The following TRIL variants were observed in gnomAD, a reference collection of about 807,000 sequenced individuals.
TRIL encodes the protein TLR4 interactor with leucine rich repeats.
A neutral mutation model predicts 43.0 loss-of-function variants in TRIL; 23 were observed. The observed-to-expected ratio is 0.54, with a 90% CI of 0.39 to 0.76. The LOEUF (loss-of-function observed/expected upper bound fraction) is 0.76. Ranked by LOEUF, TRIL falls within the 30% of genes least tolerant of loss-of-function variation. The pLI, the probability that TRIL is intolerant of heterozygous loss-of-function variation, is 0.00. For synonymous variants in TRIL, 602 were observed against 556.8 expected (o/e 1.08, Z -1.14); for missense variants, 1,114 against 1,139.3 (o/e 0.98, Z 0.32).
Position 28,956,635 on chromosome 7 carries a change from G to T in TRIL, c.1412C>A (p.Ala471Asp). ...GCGGTTGCCTACCAGCTCCCTGGCG[G>T]CCCCATCCCAGGCCACCCCAGCTAG... ...RFLAGVAWDG[A>D]ARELVGNRSA... The change falls in exon 1 of 1, where the codon GCC (alanine) becomes GAC (aspartate). Residue 471 changes from alanine to aspartate, a missense_variant. Ala to Asp is a moderately radical substitution (Grantham distance 126). Transcript: ENST00000539664. The T allele has an allele frequency of 6.4e-7, 1 of 1,565,084 alleles. No homozygotes were observed.
rs1212878030 is a variant in TRIL, at chr7:28,957,132, C to T, written c.915G>A (p.Ala305=). Residue 305 remains alanine, a synonymous_variant, in exon 1 of 1, where the codon GCG becomes GCA. Transcript: ENST00000539664. ...ALLEPLHSLE[A]LDLSGNELSA... is the part of the protein sequence containing the mutation. The stretch of plus-strand genomic sequence containing the variant: ...ACAGCTCATTGCCGCTCAGGTCCAG[C>T]GCCTCCAGGCTGTGCAGAGGCTCCA... 1.3e-6 allele frequency: 2 copies of T among 1,579,958 alleles called. No homozygotes were observed. Among genetic ancestry groups the T allele is most frequent in the African/African-American group, 1.3e-5 (1 of 74,198 alleles).
At position 28,954,941 on chromosome 7, in the gene TRIL, T is replaced by C. The variant is rs1783373845; in HGVS notation, c.*670A>G. The C allele has an allele frequency of 6.6e-6, 1 of 152,052 alleles. No individual in the cohort carries two copies. The highest frequency in any genetic ancestry group is 1.5e-5 in the Non-Finnish European group (1 of 68,014). The allele number at this position is 152,052 out of a possible 1,614,324, so 9.4% of individuals were successfully genotyped here. Reference sequence around the variant, plus strand: ...TAATATTAAAAGGAACATAATAAAATGGCCCAGTCCAACTAAAACAGTCCT... The same window carrying C: ...TAATATTAAAAGGAACATAATAAAACGGCCCAGTCCAACTAAAACAGTCCT... On this transcript the variant is annotated 3_prime_UTR_variant, in exon 1 of 1. Transcript: ENST00000539664.
Position 28,958,211 on chromosome 7 carries a change from T to A in TRIL, c.-165A>T. On this transcript the variant is annotated 5_prime_UTR_variant, in exon 1 of 1. Transcript: ENST00000539664. ...TCCTTTGTCCGGAGGCCGGCCCGGG[T>A]CTCTGCAGGCGGGCTTCGCCCGGCC... 9.3e-7 allele frequency: 1 copy of A among 1,071,044 alleles called. No individual in the cohort carries two copies. Among genetic ancestry groups the A allele is most frequent in the Non-Finnish European group, 1.3e-6 (1 of 778,350 alleles). The allele number at this position is 1,071,044 out of a possible 1,614,324, so 66.3% of individuals were successfully genotyped here. A position where few individuals can be genotyped will look rare whatever the true frequency, so the allele number is the denominator to read the frequency against.
In TRIL at chr7:28,956,228, G is replaced by A; in HGVS notation, c.1819C>T (p.Arg607Cys). 1 of 1,552,112 alleles carries A rather than the reference G, an allele frequency of 6.4e-7. No individual in the cohort carries two copies. Residue 607 changes from arginine (R) to cysteine (C), a missense_variant, in exon 1 of 1, where the codon CGC becomes TGC. Arg to Cys is a radical substitution (Grantham distance 180). Transcript: ENST00000539664. ...AGCGGCCGGGGACTGCGGTGCTCGC[G>A]CACGGCCCAGCGCACCGAGGCGCTG... ...ADSASVRWAV[R>C]EHRSPRPLGG...
At position 28,957,588 on chromosome 7, in the gene TRIL, G is replaced by C. The variant is rs1468875492; in HGVS notation, c.459C>G (p.Gly153=). The C allele has an allele frequency of 3.9e-5, 63 of 1,612,166 alleles. 1 individual carries two copies. The Admixed American group carries it at 1.0e-3, about 26-fold the overall frequency. ...GCCGCAGCTTGACTAGACTCTCCAG[G>C]CCCTCGAAGGAGCCGCGGCTTAGGC... ...ISRLSRGSFE[G]LESLVKLRLD... Residue 153 remains glycine, a synonymous_variant, in exon 1 of 1, where the codon GGC becomes GGG. Transcript: ENST00000539664.
At position 28,957,507 on chromosome 7, in the gene TRIL, G is replaced by A; in HGVS notation, c.540C>T (p.Asn180=). 6.2e-7 allele frequency: 1 copy of A among 1,613,242 alleles called. No individual in the cohort carries two copies. Among genetic ancestry groups the A allele is most frequent in the Non-Finnish European group, 8.5e-7 (1 of 1,179,842 alleles). Residue 180 remains asparagine (N), a synonymous_variant, in exon 1 of 1, where the codon AAC becomes AAT. Coordinates refer to ENST00000539664, the MANE Select transcript of TRIL (RefSeq NM_014817.4). Reference sequence around the variant, plus strand: ...TGGACTCCAGATGTAGGTAGAGCAGGTTGCCCAAGGGAGCGAAGACCGCGT... The same window carrying A: ...TGGACTCCAGATGTAGGTAGAGCAGATTGCCCAAGGGAGCGAAGACCGCGT... The part of the protein sequence containing the change: ...LPDAVFAPLG[N]LLYLHLESNR...
At position 28,955,740 on chromosome 7, in the gene TRIL, G is replaced by A. The variant is rs1783386881; in HGVS notation, c.2307C>T (p.Thr769=). ...FSGFQSHRPR[T]TVCALSEADL... is the part of the protein sequence containing the mutation. The stretch of plus-strand genomic sequence containing the variant: ...CCGCCTCACTGAGCGCGCACACGGT[G>A]GTGCGTGGCCGGTGCGACTGGAATC... The change falls in exon 1 of 1, where the codon ACC becomes ACT. Residue 769 remains threonine, a synonymous_variant. Coordinates refer to ENST00000539664, the MANE Select transcript of TRIL (RefSeq NM_014817.4). The A allele has an allele frequency of 2.6e-6, 4 of 1,550,292 alleles. No homozygotes were observed. The highest frequency in any genetic ancestry group is 3.5e-6 in the Non-Finnish European group (4 of 1,146,912).
chr7:28,957,072 G>A lies in TRIL; in HGVS notation c.975C>T (p.Gly325=). 2 of 1,573,556 alleles carry A rather than the reference G, an allele frequency of 1.3e-6. No homozygotes were observed. Among genetic ancestry groups the A allele is most frequent in the Non-Finnish European group, 1.7e-6 (2 of 1,163,044 alleles). ...ALHPATFGHL[G]RLRELSLRNN... Reference sequence around the variant, plus strand: ...TGCGCAGGCTGAGCTCGCGCAGCCGGCCCAGGTGGCCGAAGGTGGCCGGGT... The same window carrying A: ...TGCGCAGGCTGAGCTCGCGCAGCCGACCCAGGTGGCCGAAGGTGGCCGGGT... The change falls in exon 1 of 1, where the codon GGC becomes GGT. Residue 325 remains glycine (G), a synonymous_variant. Coordinates refer to ENST00000539664, the MANE Select transcript of TRIL (RefSeq NM_014817.4).
At position 28,954,787 on chromosome 7, in the gene TRIL, T is replaced by C. The variant is rs753250829; in HGVS notation, c.*824A>G. On this transcript the variant is annotated 3_prime_UTR_variant, in exon 1 of 1. Coordinates refer to ENST00000539664, the MANE Select transcript of TRIL (RefSeq NM_014817.4). ...GCATTGAAATTTCCTTTTCCATATA[T>C]AGGTTTAAAAAAATAAAATTAAAAA... 2 of 152,148 alleles carry C rather than the reference T, an allele frequency of 1.3e-5. No individual in the cohort carries two copies. The highest frequency in any genetic ancestry group is 2.9e-5 in the Non-Finnish European group (2 of 68,024). The allele number at this position is 152,148 out of a possible 1,614,324, so 9.4% of individuals were successfully genotyped here.
Position 28,956,802 on chromosome 7 carries a change from C to G in TRIL, c.1245G>C (p.Ala415=). 6.2e-7 allele frequency: 1 copy of G among 1,611,304 alleles called. No individual in the cohort carries two copies. Among genetic ancestry groups the G allele is most frequent in the Non-Finnish European group, 8.5e-7 (1 of 1,179,094 alleles). The change falls in exon 1 of 1, where the codon GCG becomes GCC. Residue 415 remains alanine (A), a synonymous_variant. Transcript: ENST00000539664. The part of the protein sequence containing the change: ...DDQQLQNGSC[A]DPSPSASLTA... ...TCAGGGAAGCTGAGGGCGAGGGATC[C>G]GCGCAGGATCCATTTTGCAGCTGCT...
rs192190824 is a variant in TRIL, at chr7:28,955,409, C to G, written c.*202G>C. 1 of 764,258 alleles carries G rather than the reference C, an allele frequency of 1.3e-6. No homozygotes were observed. Among genetic ancestry groups the G allele is most frequent in the South Asian group, 2.3e-5 (1 of 44,030 alleles). 47.3% of individuals were successfully genotyped at this position (764,258 alleles called of 1,614,324 possible). A position where few individuals can be genotyped will look rare whatever the true frequency, so the allele number is the denominator to read the frequency against. On this transcript the variant is annotated 3_prime_UTR_variant, in exon 1 of 1. Coordinates refer to ENST00000539664, the MANE Select transcript of TRIL (RefSeq NM_014817.4). ...TCAGCATCCCACCATCCATTTGTCC[C>G]CTACTCTGGCTCTGACCACCAAGTA...
rs1252143803 is a variant in TRIL at position 28,956,253 on chromosome 7, G to T, written c.1794C>A (p.Asp598Glu). 1 of 1,547,776 alleles carries T rather than the reference G, an allele frequency of 6.5e-7. No homozygotes were observed. Among genetic ancestry groups the T allele is most frequent in the South Asian group, 1.2e-5 (1 of 84,286 alleles). ...GCACGGCCCAGCGCACCGAGGCGCT[G>T]TCTGCGCCCACCGCCTCCACCGTCA... ...CNLTVEAVGADSASVRWAVRE... is the reference protein window; with the variant it reads ...CNLTVEAVGAESASVRWAVRE... The change falls in exon 1 of 1, where the codon GAC becomes GAA. Residue 598 changes from aspartate (D) to glutamate (E), a missense_variant. Physicochemically the swap from Asp to Glu is conservative, Grantham distance 45 (BLOSUM62 2). Coordinates refer to ENST00000539664, the MANE Select transcript of TRIL (RefSeq NM_014817.4).
chr7:28,955,841 C>G lies in TRIL; in HGVS notation c.2206G>C (p.Val736Leu). 6.5e-7 allele frequency: 1 copy of G among 1,549,802 alleles called. No individual in the cohort carries two copies. Among genetic ancestry groups the G allele is most frequent in the South Asian group, 1.2e-5 (1 of 83,988 alleles). The change falls in exon 1 of 1, where the codon GTC (valine) becomes CTC (leucine). Residue 736 changes from valine (V) to leucine (L), a missense_variant. By Grantham distance (32) the Val-to-Leu change is conservative (BLOSUM62 1). Coordinates refer to ENST00000539664, the MANE Select transcript of TRIL (RefSeq NM_014817.4). ...LRARRKGGAP[V>L]HVRHMYSTRR... ...GTGGAGTACATGTGCCGAACGTGGACCGGGGCCCCGCCCTTCCGCCTAGCC... is the reference window on the plus strand; with the variant it reads ...GTGGAGTACATGTGCCGAACGTGGAGCGGGGCCCCGCCCTTCCGCCTAGCC...
chr7:28,956,634 G>T lies in TRIL; in HGVS notation c.1413C>A (p.Ala471=). 2 of 1,564,300 alleles carry T rather than the reference G, an allele frequency of 1.3e-6. No individual in the cohort carries two copies. The highest frequency in any genetic ancestry group is 8.6e-7 in the Non-Finnish European group (1 of 1,158,532). ...RFLAGVAWDG[A]ARELVGNRSA... is the part of the protein sequence containing the mutation. Reference sequence around the variant, plus strand: ...TGCGGTTGCCTACCAGCTCCCTGGCGGCCCCATCCCAGGCCACCCCAGCTA... The same window carrying T: ...TGCGGTTGCCTACCAGCTCCCTGGCTGCCCCATCCCAGGCCACCCCAGCTA... Residue 471 remains alanine (A), a synonymous_variant, in exon 1 of 1, where the codon GCC becomes GCA. Transcript: ENST00000539664.
chr7:28,957,191 C>T lies in TRIL; in HGVS notation c.856G>A (p.Gly286Ser). Residue 286 changes from glycine to serine, a missense_variant, in exon 1 of 1, where the codon GGT becomes AGT. Transcript: ENST00000539664. ...GTTGGCAGCTGGCTCAGCCGATTACCCTCCAGGCGCAGCTCGCGCAGGGCC... is the reference window on the plus strand; with the variant it reads ...GTTGGCAGCTGGCTCAGCCGATTACTCTCCAGGCGCAGCTCGCGCAGGGCC... ...LEALRELRLE[G>S]NRLSQLPTAL... The T allele has an allele frequency of 1.0e-5, 16 of 1,599,780 alleles. No individual in the cohort carries two copies. Among genetic ancestry groups the T allele is most frequent in the Non-Finnish European group, 1.4e-5 (16 of 1,176,550 alleles).
rs1331555828 is a variant in TRIL at position 28,957,076 on chromosome 7, A to G, written c.971T>C (p.Leu324Pro). The G allele has an allele frequency of 1.3e-6, 2 of 1,569,564 alleles. No individual in the cohort carries two copies. The highest frequency in any genetic ancestry group is 1.7e-6 in the Non-Finnish European group (2 of 1,160,968). ...SALHPATFGH[L>P]GRLRELSLRN... ...CAGGCTGAGCTCGCGCAGCCGGCCC[A>G]GGTGGCCGAAGGTGGCCGGGTGCAG... Residue 324 changes from leucine to proline, a missense_variant, in exon 1 of 1, where the codon CTG (leucine) becomes CCG (proline). Physicochemically the swap from Leu to Pro is moderately conservative, Grantham distance 98. Coordinates refer to ENST00000539664, the MANE Select transcript of TRIL (RefSeq NM_014817.4).
At position 28,958,277 on chromosome 7, in the gene TRIL, A is replaced by G. The variant is rs1783443058; in HGVS notation, c.-231T>C. 4 of 530,480 alleles carry G rather than the reference A, an allele frequency of 7.5e-6. No individual in the cohort carries two copies. The highest frequency in any genetic ancestry group is 3.3e-5 in the East Asian group (1 of 29,888). The allele number at this position is 530,480 out of a possible 1,614,324, so 32.9% of individuals were successfully genotyped here. A position where few individuals can be genotyped will look rare whatever the true frequency, so the allele number is the denominator to read the frequency against. On this transcript the variant is annotated 5_prime_UTR_variant, in exon 1 of 1. Coordinates refer to ENST00000539664, the MANE Select transcript of TRIL (RefSeq NM_014817.4). ...GGGCGCTCTGCAGACCCCGGGTACT[A>G]CTTGTTGCATTTCTGTATAAAACTG...
rs1453152600 is a variant in TRIL at position 28,957,163 on chromosome 7, G to A, written c.884C>T (p.Ala295Val). 1.3e-6 allele frequency: 2 copies of A among 1,591,346 alleles called. No homozygotes were observed. ...CAGGCTGTGCAGAGGCTCCAGCAGC[G>A]CAGTTGGCAGCTGGCTCAGCCGATT... ...EGNRLSQLPT[A>V]LLEPLHSLEA... Residue 295 changes from alanine (A) to valine (V), a missense_variant, in exon 1 of 1, where the codon GCG becomes GTG. Transcript: ENST00000539664.
chr7:28,953,740 C>T lies in TRIL; in HGVS notation c.*1871G>A, dbSNP rs928844074. 6.6e-6 allele frequency: 1 copy of T among 152,226 alleles called. No individual in the cohort carries two copies. The highest frequency in any genetic ancestry group is 2.4e-5 in the African/African-American group (1 of 41,462). 9.4% of individuals were successfully genotyped at this position (152,226 alleles called of 1,614,324 possible). A position where few individuals can be genotyped will look rare whatever the true frequency, so the allele number is the denominator to read the frequency against. The stretch of plus-strand genomic sequence containing the variant: ...AGCCCTGGCAGCAAACTAAGAATGA[C>T]AGTCTATTTCCTGTGGTTTATTAAG... On this transcript the variant is annotated 3_prime_UTR_variant, in exon 1 of 1. Transcript: ENST00000539664.
Sources: gnomAD v4.1 joint callset for allele counts on GRCh38, gnomAD v4.1.1 for gene constraint, MANE v1.5 for transcripts, NCBI Gene and HGNC (gene_info 2026-07-23, HGNC 2026-07-21) for gene names.